Variants in EYS observed in about 807,000 individuals in gnomAD.
EYS encodes the protein EGF-like photoreceptor maintenance factor.
A neutral mutation model predicts 282.1 loss-of-function variants in EYS; 250 were observed. The ratio of observed to expected loss-of-function variants is 0.89; its 90% CI spans 0.80 to 0.98. The LOEUF (loss-of-function observed/expected upper bound fraction) is 0.98. Among genes scored for constraint, EYS ranks in the 50% least tolerant of loss-of-function variants. The pLI is 0.00. For missense variants in EYS, 4,016 were observed against 3,709.0 expected (o/e 1.08, Z -2.15); for synonymous variants, 1,355 against 1,282.9 (o/e 1.06, Z -1.20).
At chr6:65,375,459 C>G (rs1233141047) in intron 8 of EYS, among the ~76,000 whole-genome samples, 2 of 152,056 alleles carry the variant, frequency 1.3e-5, no homozygotes, top group East Asian at 3.9e-4. Context: ...CTGAAAATTC[C>G]AAAAACCAGA....
intron 31 of EYS, among the ~76,000 whole-genome samples, chr6:64,229,528 T>G (rs1454876276): frequency 6.6e-6 from 1 of 152,202 alleles, no homozygotes; most frequent in African/African-American, 2.4e-5. Context: ...GTGATGTATC[T>G]TCAGAGCATT....
intron 35 of EYS, among the ~76,000 whole-genome samples, chr6:63,981,647 TTTAA>T (rs1418248271): frequency 4.0e-5 from 6 of 151,862 alleles, no homozygotes; most frequent in Non-Finnish European, 8.8e-5. Flanking sequence ...TCTGGAAGTC[TTTAA>T]ACAGTGCATG....
chr6:64,568,959 C>G (rs1254485618), intron 26 of EYS, among the ~76,000 whole-genome samples: 1 of 141,582 alleles, frequency 7.1e-6, no homozygotes, highest in African/African-American at 2.7e-5. Context: ...GACGCCCACA[C>G]AGAAACCCCA....
intron 31 of EYS, among the ~76,000 whole-genome samples, chr6:64,115,085 T>C (rs531009970): frequency 6.6e-6 from 1 of 152,294 alleles, no homozygotes; most frequent in African/African-American, 2.4e-5. Flanking sequence ...GCGCTATGGC[T>C]GCTCCAGGAG....
intron 12 of EYS, among the ~76,000 whole-genome samples, chr6:65,231,585 T>C (rs998165610): frequency 1.3e-5 from 2 of 151,774 alleles, no homozygotes; most frequent in Non-Finnish European, 3.0e-5. Context: ...AATACACAAA[T>C]GGATGAACAG....
intron 1 of EYS, among the ~76,000 whole-genome samples, chr6:65,656,417 G>A (rs9918347): frequency 0.011 from 1,633 of 151,904 alleles, 30 homozygotes; most frequent in African/African-American, 0.037. Context: ...GTTCGTGAGG[G>A]AAAGTGCTAT....
chr6:64,246,904 A>T (rs1007697649), intron 30 of EYS, among the ~76,000 whole-genome samples: 1 of 151,804 alleles, frequency 6.6e-6, no homozygotes, highest in African/African-American at 2.4e-5. Context: ...TAAATTGAAA[A>T]TTATATAAAA....
intron 35 of EYS, among the ~76,000 whole-genome samples, chr6:63,873,572 C>A (rs1217355634): frequency 6.6e-6 from 1 of 152,118 alleles, no homozygotes. Context: ...CTTGAGGAAT[C>A]CCCCACACTG....
intron 29 of EYS, among the ~76,000 whole-genome samples, chr6:64,360,718 A>G (rs1045719191): frequency 2.6e-5 from 4 of 151,768 alleles, no homozygotes; most frequent in Non-Finnish European, 5.9e-5. Flanking sequence ...ATAAAGCCAC[A>G]GTTCTATTTC....
chr6:63,924,494 T>C (rs1456141633), intron 35 of EYS, among the ~76,000 whole-genome samples: 1 of 152,228 alleles, frequency 6.6e-6, no homozygotes, highest in Non-Finnish European at 1.5e-5. Context: ...TAGCATCGTT[T>C]GTGAAACACC....
intron 5 of EYS, among the ~76,000 whole-genome samples, chr6:65,456,761 T>C (rs938026459): frequency 6.6e-6 from 1 of 152,118 alleles, no homozygotes; most frequent in Non-Finnish European, 1.5e-5. Flanking sequence ...TATGTAACTT[T>C]ATGCCTAATT....
At chr6:63,745,802 G>A (rs957812455) in intron 41 of EYS, among the ~76,000 whole-genome samples, 1 of 152,200 alleles carries the variant, frequency 6.6e-6, no homozygotes, top group African/African-American at 2.4e-5. Flanking sequence ...CAGTGTGACA[G>A]TATTTGGAGA....
chr6:64,521,568 C>T (rs943417991), intron 26 of EYS, among the ~76,000 whole-genome samples: 1 of 151,688 alleles, frequency 6.6e-6, no homozygotes, highest in African/African-American at 2.4e-5. Context: ...TCCTTCTATT[C>T]TGCCTTCCAA....
intron 15 of EYS, among the ~76,000 whole-genome samples, chr6:64,919,947 G>T (rs1768284806): frequency 6.6e-6 from 1 of 152,130 alleles, no homozygotes; most frequent in Non-Finnish European, 1.5e-5. Flanking sequence ...AAAATCTGAG[G>T]TAAATCTGAT....
chr6:65,669,386 T>C lies in EYS; in HGVS notation c.-447-29494A>G, dbSNP rs148762305. On this transcript the variant is annotated intron_variant, in intron 1 of 42. Transcript: ENST00000503581. ...ATAATTTTAAAGGCATCAGACTCTC[T>C]GTACAGTAGGGATTATAAAAGACTG... Among the ~76,000 whole-genome samples the C allele has an allele frequency of 2.1e-3, 318 of 152,164 alleles. 1 individual carries two copies. The highest frequency in any genetic ancestry group is 7.3e-3 in the African/African-American group (304 of 41,578).
intron 34 of EYS, among the ~76,000 whole-genome samples, chr6:63,985,356 C>G (rs564305396): frequency 2.6e-5 from 4 of 151,600 alleles, no homozygotes; most frequent in African/African-American, 9.7e-5. Context: ...ATGGAAAGAA[C>G]CCTACAGTTC....
chr6:64,038,355 T>C (rs867712281), intron 33 of EYS, among the ~76,000 whole-genome samples: 15 of 152,206 alleles, frequency 9.9e-5, no homozygotes, highest in African/African-American at 3.6e-4. Context: ...TGAGGTAATA[T>C]ATATGTTAAT....
chr6:64,014,773 T>C (rs1768807297), intron 33 of EYS, among the ~76,000 whole-genome samples: 1 of 115,374 alleles, frequency 8.7e-6, no homozygotes. Flanking sequence ...TATTTAGTCT[T>C]TTTTTATTTT....
chr6:64,793,581 G>A (rs1394804776), intron 22 of EYS, among the ~76,000 whole-genome samples: 1 of 152,118 alleles, frequency 6.6e-6, no homozygotes, highest in Non-Finnish European at 1.5e-5. Flanking sequence ...TGCTAGACCT[G>A]ATCAAAATAC....
Sources: allele counts gnomAD v4.1 joint callset (sites outside exome capture counted in the v4.1 genomes callset), GRCh38; gene constraint gnomAD v4.1.1; transcripts MANE v1.5; gene names NCBI Gene and HGNC (gene_info 2026-07-23, HGNC 2026-07-21).